The following PEAK1 variants were observed in gnomAD, a reference collection of about 807,000 sequenced individuals.
PEAK1 encodes pseudopodium enriched atypical kinase 1.
A neutral mutation model predicts 124.7 loss-of-function variants in PEAK1; 54 were observed. The ratio of observed to expected loss-of-function variants is 0.43; its 90% CI spans 0.35 to 0.54. PEAK1 has a LOEUF of 0.54. Ranked by LOEUF, PEAK1 falls within the 20% of genes least tolerant of loss-of-function variation. PEAK1 has a pLI of 0.01. For synonymous variants in PEAK1, 719 were observed against 760.0 expected (o/e 0.95, Z 0.89); for missense variants, 2,046 against 2,134.5 (o/e 0.96, Z 0.82).
At chr15:77,134,762 C>T (rs916522720) in intron 8 of PEAK1, among the ~76,000 whole-genome samples, 9 of 152,210 alleles carry the variant, frequency 5.9e-5, no homozygotes, top group East Asian at 1.9e-4. Flanking sequence ...AGTTATAAGG[C>T]TCTGTTATGG....
At chr15:77,250,382 G>A (rs1448685885) in intron 6 of PEAK1, among the ~76,000 whole-genome samples, 1 of 150,850 alleles carries the variant, frequency 6.6e-6, no homozygotes, top group African/African-American at 2.4e-5. Flanking sequence ...GAGTAGCTGG[G>A]ATTACAGGCA....
chr15:77,284,094 A>C, intron 4 of PEAK1, 64 bp from the exon 5 acceptor site: 1 of 846,318 alleles, frequency 1.2e-6, no homozygotes, highest in Non-Finnish European at 1.4e-6. Context: ...TAGCCCAGCT[A>C]TATGACCAAT....
At chr15:77,121,052 T>C (rs1424649052) in intron 9 of PEAK1, among the ~76,000 whole-genome samples, 2 of 152,204 alleles carry the variant, frequency 1.3e-5, no homozygotes, top group African/African-American at 4.8e-5. Flanking sequence ...ACATTTTTTA[T>C]CTTTAAAAAA....
chr15:77,199,378 C>T (rs1317227419), intron 6 of PEAK1, among the ~76,000 whole-genome samples: 3 of 152,196 alleles, frequency 2.0e-5, no homozygotes, highest in Non-Finnish European at 4.4e-5. Context: ...AATTCAGCCT[C>T]TAGATCGGGG....
At position 77,316,629 on chromosome 15, in the gene PEAK1, C is replaced by T. The variant is rs147769179; in HGVS notation, c.-602-30125G>A. Among the ~76,000 whole-genome samples the T allele has an allele frequency of 2.6e-5, 4 of 152,260 alleles. No individual in the cohort carries two copies. The East Asian group carries it at 5.8e-4, about 22-fold the overall frequency. On this transcript the variant is annotated intron_variant, in intron 2 of 9. Transcript: ENST00000682557. ...AATGTAAGCTTCATATATTATTCAT[C>T]GTAGTTTCCCCACCATGGTGCCTTA...
intron 1 of PEAK1, among the ~76,000 whole-genome samples, chr15:77,386,607 T>C (rs1422747253): frequency 6.6e-6 from 1 of 152,124 alleles, no homozygotes; most frequent in Non-Finnish European, 1.5e-5. Flanking sequence ...CACCTCTTCA[T>C]GAGGAGCTCA....
chr15:77,249,978 A>T (rs934197154), intron 6 of PEAK1, among the ~76,000 whole-genome samples: 6 of 151,398 alleles, frequency 4.0e-5, no homozygotes, highest in Admixed American at 6.6e-5. Context: ...AACAAAAAAA[A>T]TTTTTTTTAA....
intron 6 of PEAK1, among the ~76,000 whole-genome samples, chr15:77,219,749 C>T (rs1263085011): frequency 6.6e-6 from 1 of 152,012 alleles, no homozygotes; most frequent in East Asian, 1.9e-4. Flanking sequence ...TTTCTGGCTA[C>T]CATTACTGCA....
chr15:77,338,123 A>T, intron 2 of PEAK1: 1 of 982,908 alleles, frequency 1.0e-6, no homozygotes, highest in Non-Finnish European at 1.2e-6. Context: ...TAATCAAATC[A>T]GCAGTGACAG....
chr15:77,363,391 G>T (rs1253658968), intron 2 of PEAK1, among the ~76,000 whole-genome samples: 1 of 152,074 alleles, frequency 6.6e-6, no homozygotes, highest in Non-Finnish European at 1.5e-5. Flanking sequence ...CCTTTCCTTA[G>T]GCAACTATGG....
At chr15:77,193,279 C>G (rs976028943) in intron 6 of PEAK1, among the ~76,000 whole-genome samples, 6 of 152,114 alleles carry the variant, frequency 3.9e-5, no homozygotes, top group African/African-American at 1.4e-4. Flanking sequence ...AGGAAAGCAC[C>G]TTTTATAGTT....
intron 7 of PEAK1, among the ~76,000 whole-genome samples, chr15:77,172,762 A>G (rs969554576): frequency 2.0e-5 from 3 of 152,094 alleles, no homozygotes; most frequent in Admixed American, 1.3e-4. Context: ...CTTCATCACC[A>G]AGGGAATTCT....
At position 77,115,304 on chromosome 15, in the gene PEAK1, C is replaced by T; in HGVS notation, c.4093G>A (p.Ala1365Thr). The T allele has an allele frequency of 1.9e-6, 3 of 1,612,532 alleles. No individual in the cohort carries two copies. Among genetic ancestry groups the T allele is most frequent in the South Asian group, 1.1e-5 (1 of 91,048 alleles). The change falls in exon 10 of 10, where the codon GCT becomes ACT. Residue 1365 changes from alanine (A) to threonine (T), a missense_variant. Coordinates refer to ENST00000682557, the MANE Select transcript of PEAK1 (RefSeq NM_001385026.1). Reference sequence around the variant, plus strand: ...TGATAATACTGCTGAGATTCTTTAGCTTTGCTCTTACAGATCTGAAAGATA... The same window carrying T: ...TGATAATACTGCTGAGATTCTTTAGTTTTGCTCTTACAGATCTGAAAGATA... ...NYAVKICKSK[A>T]KESQQYYHSL...
At chr15:77,411,802 G>C (rs371451033) in intron 1 of PEAK1, among the ~76,000 whole-genome samples, 2 of 151,814 alleles carry the variant, frequency 1.3e-5, no homozygotes, top group Non-Finnish European at 2.9e-5. Flanking sequence ...ATGGGGGTTG[G>C]GGGTGGGTCT....
At chr15:77,234,280 T>A (rs910387278) in intron 6 of PEAK1, among the ~76,000 whole-genome samples, 1 of 152,228 alleles carries the variant, frequency 6.6e-6, no homozygotes, top group Non-Finnish European at 1.5e-5. Context: ...TTAATATATT[T>A]TCTTTCTTTT....
At chr15:77,169,870 A>G (rs1427111998) in intron 7 of PEAK1, among the ~76,000 whole-genome samples, 1 of 152,194 alleles carries the variant, frequency 6.6e-6, no homozygotes, top group Non-Finnish European at 1.5e-5. Flanking sequence ...CCATTTACCA[A>G]GAAGGGAAGA....
chr15:77,301,235 T>C (rs1291264252), intron 2 of PEAK1, among the ~76,000 whole-genome samples: 1 of 152,178 alleles, frequency 6.6e-6, no homozygotes, highest in Non-Finnish European at 1.5e-5. Context: ...AGGGATCCCT[T>C]TGCTTGTGGC....
At chr15:77,328,877 A>T (rs146725958) in intron 2 of PEAK1, among the ~76,000 whole-genome samples, 43 of 152,318 alleles carry the variant, frequency 2.8e-4, no homozygotes, top group African/African-American at 9.4e-4. Flanking sequence ...TAAACTGAAA[A>T]TCTACATGCC....
chr15:77,227,417 C>A (rs1221385048), intron 6 of PEAK1, among the ~76,000 whole-genome samples: 1 of 151,872 alleles, frequency 6.6e-6, no homozygotes, highest in East Asian at 1.9e-4. Flanking sequence ...TGAAAATGAA[C>A]AACATACAGA....
Sources: gnomAD v4.1 joint callset for allele counts (sites outside exome capture counted in the v4.1 genomes callset) on GRCh38, gnomAD v4.1.1 for gene constraint, MANE v1.5 for transcripts, NCBI Gene and HGNC (gene_info 2026-07-23, HGNC 2026-07-21) for gene names.